Variants in SDCCAG8 observed in about 807,000 individuals in gnomAD.
SDCCAG8 encodes the protein SHH signaling and ciliogenesis regulator SDCCAG8.
A neutral mutation model predicts 101.8 loss-of-function variants in SDCCAG8; 74 were observed. The ratio of observed to expected loss-of-function variants is 0.73; its 90% CI spans 0.60 to 0.88. SDCCAG8 has a LOEUF of 0.88. Ranked by LOEUF, SDCCAG8 falls within the 40% of genes least tolerant of loss-of-function variation. The pLI is 0.00. For missense variants in SDCCAG8, 787 were observed against 822.6 expected (o/e 0.96, Z 0.53); for synonymous variants, 281 against 292.9 (o/e 0.96, Z 0.41).
intron 16 of SDCCAG8, among the ~76,000 whole-genome samples, chr1:243,436,018 A>C (rs917189702): frequency 2.6e-5 from 4 of 152,140 alleles, no homozygotes; most frequent in Non-Finnish European, 5.9e-5. Context: ...TACAATTGAT[A>C]AGCCTTCATT....
At position 243,270,236 on chromosome 1, in the gene SDCCAG8, G is replaced by A. The variant is rs756518004; in HGVS notation, c.199G>A (p.Glu67Lys). Reference sequence around the variant, plus strand: ...TGAGGACGCCAGGACAGCCTGGCCCGAATTACAACAGAGCCATGCTGGTGA... The same window carrying A: ...TGAGGACGCCAGGACAGCCTGGCCCAAATTACAACAGAGCCATGCTGGTGA... ...GNEDARTAWPELQQSHAVNQL... is the reference protein window; with the variant it reads ...GNEDARTAWPKLQQSHAVNQL... The change falls in exon 2 of 18, where the codon GAA (glutamate) becomes AAA (lysine). Residue 67 changes from glutamate to lysine, a missense_variant. Transcript: ENST00000366541. 10 of 1,613,958 alleles carry A rather than the reference G, an allele frequency of 6.2e-6. No homozygotes were observed. Among genetic ancestry groups the A allele is most frequent in the Admixed American group, 3.3e-5 (2 of 59,994 alleles).
chr1:243,358,164 C>T (rs539292005), intron 12 of SDCCAG8, among the ~76,000 whole-genome samples: 52 of 151,802 alleles, frequency 3.4e-4, no homozygotes, highest in African/African-American at 8.0e-4. Context: ...ACCCACAGAA[C>T]GGGAGAAAAT....
intron 3 of SDCCAG8, among the ~76,000 whole-genome samples, 181 bp from the exon 4 acceptor site, chr1:243,274,362 A>G (rs982272972): frequency 4.6e-5 from 7 of 152,228 alleles, no homozygotes; most frequent in Admixed American, 6.5e-5. Flanking sequence ...GTGGGGGACA[A>G]GCATCCAAAC....
At chr1:243,337,433 G>A (rs1342898309) in intron 10 of SDCCAG8, among the ~76,000 whole-genome samples, 2 of 152,160 alleles carry the variant, frequency 1.3e-5, no homozygotes, top group African/African-American at 2.4e-5. Context: ...TCAAGATCCT[G>A]CTCTAAATAA....
At chr1:243,367,092 C>G (rs186696765) in intron 12 of SDCCAG8, among the ~76,000 whole-genome samples, 1 of 152,104 alleles carries the variant, frequency 6.6e-6, no homozygotes, top group Admixed American at 6.5e-5. Flanking sequence ...AAACTATTGT[C>G]AAATGGTAAT....
rs534920774 is a variant in SDCCAG8, at chr1:243,339,251, G to T, written c.1222-1788G>T. On this transcript the variant is annotated intron_variant, in intron 10 of 17. Coordinates refer to ENST00000366541, the MANE Select transcript of SDCCAG8 (RefSeq NM_006642.5). ...ATTTATAATTAGCAAAATAAATGTC[G>T]GTATATTTACTTCAAAAACCATACA... 3.9e-5 allele frequency among the ~76,000 whole-genome samples: 6 copies of T among 152,128 alleles called. No homozygotes were observed. In the Middle Eastern group the frequency reaches 0.01, roughly 260 times the overall value.
chr1:243,421,593 G>T (rs2081011855), intron 15 of SDCCAG8, among the ~76,000 whole-genome samples: 1 of 152,184 alleles, frequency 6.6e-6, no homozygotes, highest in African/African-American at 2.4e-5. Context: ...ACGTAGTGGT[G>T]TCTGTAACCC....
At chr1:243,498,219 T>C (rs998788534) in intron 17 of SDCCAG8, among the ~76,000 whole-genome samples, 1 of 150,432 alleles carries the variant, frequency 6.6e-6, no homozygotes, top group Non-Finnish European at 1.5e-5. Context: ...GTGCAAACCC[T>C]GCGTTTGACA....
At chr1:243,388,360 A>G (rs1213656265) in intron 13 of SDCCAG8, among the ~76,000 whole-genome samples, 2 of 152,090 alleles carry the variant, frequency 1.3e-5, no homozygotes, top group African/African-American at 4.8e-5. Flanking sequence ...TTCACTTCCA[A>G]TTTCAAAACC....
intron 16 of SDCCAG8, among the ~76,000 whole-genome samples, chr1:243,439,602 G>A (rs1188854393): frequency 7.8e-6 from 1 of 128,892 alleles, no homozygotes; most frequent in Admixed American, 8.2e-5. Context: ...CCCAGCCTGG[G>A]CAACAAGAGT....
intron 13 of SDCCAG8, among the ~76,000 whole-genome samples, chr1:243,405,183 C>A (rs2147984832): frequency 6.6e-6 from 1 of 152,226 alleles, no homozygotes; most frequent in African/African-American, 2.4e-5. Context: ...AGACTTCTTG[C>A]TAGTTTGAAA....
intron 16 of SDCCAG8, among the ~76,000 whole-genome samples, chr1:243,447,405 C>T (rs1050363033): frequency 6.6e-6 from 1 of 151,934 alleles, no homozygotes; most frequent in Non-Finnish European, 1.5e-5. Flanking sequence ...TTCCACTTTT[C>T]CTTTTATTTT....
chr1:243,459,681 C>T (rs1283827817), intron 16 of SDCCAG8, among the ~76,000 whole-genome samples: 4 of 152,152 alleles, frequency 2.6e-5, no homozygotes, highest in South Asian at 2.1e-4. Context: ...AATCATAGCT[C>T]GTGGCAGCCT....
chr1:243,395,839 ACATT>A (rs2079000191), intron 13 of SDCCAG8, among the ~76,000 whole-genome samples: 1 of 152,044 alleles, frequency 6.6e-6, no homozygotes, highest in Admixed American at 6.5e-5. Flanking sequence ...AATAAATTTG[ACATT>A]CAATTTTATA....
chr1:243,488,584 T>C lies in SDCCAG8; in HGVS notation c.1986-430T>C, dbSNP rs369118309. On this transcript the variant is annotated intron_variant, in intron 16 of 17. Transcript: ENST00000366541. Reference sequence around the variant, plus strand: ...CCGGAGCTCGTGATTGACTGAGTGATTAATAATGGAAAACCCTTACTTCAG... The same window carrying C: ...CCGGAGCTCGTGATTGACTGAGTGACTAATAATGGAAAACCCTTACTTCAG... 1.3e-5 allele frequency: 3 copies of C among 230,674 alleles called. No homozygotes were observed. The East Asian group carries it at 3.3e-4, about 25-fold the overall frequency. The allele number at this position is 230,674 out of a possible 1,614,324, so 14.3% of individuals were successfully genotyped here.
intron 16 of SDCCAG8, among the ~76,000 whole-genome samples, chr1:243,442,177 A>G (rs2082582746): frequency 1.3e-5 from 2 of 152,330 alleles, no homozygotes; most frequent in East Asian, 1.9e-4. Context: ...TTTTACATCT[A>G]TATCAACAGT....
At chr1:243,292,983 A>G (rs2070422078) in intron 5 of SDCCAG8, 108 bp from the exon 6 acceptor site, 2 of 1,281,748 alleles carry the variant, frequency 1.6e-6, no homozygotes, top group African/African-American at 3.0e-5. Flanking sequence ...GTGTAGAAGC[A>G]TATGCTTTTT....
intron 16 of SDCCAG8, among the ~76,000 whole-genome samples, chr1:243,484,377 A>T (rs1245327342): frequency 6.6e-6 from 1 of 152,126 alleles, no homozygotes; most frequent in Admixed American, 6.5e-5. Context: ...ATCCTTTCCC[A>T]TCCCAGCTTG....
chr1:243,383,025 A>G (rs2078053286), intron 13 of SDCCAG8, among the ~76,000 whole-genome samples: 1 of 152,214 alleles, frequency 6.6e-6, no homozygotes, highest in African/African-American at 2.4e-5. Context: ...GAAGGTCATG[A>G]CTAGAGGCTT....
Sources: allele counts gnomAD v4.1 joint callset (sites outside exome capture counted in the v4.1 genomes callset), GRCh38; gene constraint gnomAD v4.1.1; transcripts MANE v1.5; gene names NCBI Gene and HGNC (gene_info 2026-07-23, HGNC 2026-07-21).